The following ROBO2 variants were observed in gnomAD, a reference collection of about 807,000 sequenced individuals.
ROBO2 encodes roundabout guidance receptor 2.
A neutral mutation model predicts 160.8 loss-of-function variants in ROBO2; 53 were observed. That is an observed-to-expected ratio of 0.33 (90% confidence interval 0.26 to 0.41). The LOEUF (loss-of-function observed/expected upper bound fraction) is 0.41. ROBO2 is among the 10% of genes least tolerant of loss of function. ROBO2 has a pLI of 1.00. For missense variants in ROBO2, 1,577 were observed against 1,722.4 expected (o/e 0.92, Z 1.49); for synonymous variants, 664 against 611.7 (o/e 1.09, Z -1.26).
intron 2 of ROBO2, among the ~76,000 whole-genome samples, chr3:76,338,331 T>A (rs944593197): frequency 6.6e-6 from 1 of 152,150 alleles, no homozygotes; most frequent in Non-Finnish European, 1.5e-5. Flanking sequence ...AAGTTCCTTC[T>A]TTTACTTGCT....
intron 2 of ROBO2, among the ~76,000 whole-genome samples, chr3:76,622,235 GAAGAAAGAAAGAAAGA>G (rs66811756): frequency 0.031 from 1,374 of 44,580 alleles, 55 homozygotes; most frequent in African/African-American, 0.036. Context: ...AGGAAGGAAG[GAAGAAAGAAAGAAAGA>G]AAGAAAGAAA....
At chr3:77,456,972 C>T (rs115648123) in intron 2 of ROBO2, among the ~76,000 whole-genome samples, 67 of 152,256 alleles carry the variant, frequency 4.4e-4, no homozygotes, top group African/African-American at 1.3e-3. Context: ...CTCAAGGGTA[C>T]CAAAGGATTA....
At chr3:77,456,655 C>G (rs1201141834) in intron 2 of ROBO2, among the ~76,000 whole-genome samples, 2 of 152,212 alleles carry the variant, frequency 1.3e-5, no homozygotes, top group African/African-American at 4.8e-5. Flanking sequence ...GCCATATGTG[C>G]TGTTCTTCCT....
At chr3:77,416,789 G>T (rs1285356067) in intron 2 of ROBO2, among the ~76,000 whole-genome samples, 1 of 151,044 alleles carries the variant, frequency 6.6e-6, no homozygotes, top group Non-Finnish European at 1.5e-5. Context: ...AATAAATGTT[G>T]AAAGGAGGGA....
chr3:76,713,821 A>C (rs1560429241), intron 2 of ROBO2, among the ~76,000 whole-genome samples: 1 of 152,166 alleles, frequency 6.6e-6, no homozygotes, highest in Non-Finnish European at 1.5e-5. Context: ...TATGAAGTAC[A>C]GAGGAATTTC....
intron 22 of ROBO2, among the ~76,000 whole-genome samples, chr3:77,621,979 G>A (rs565539240): frequency 5.9e-5 from 9 of 151,986 alleles, no homozygotes; most frequent in South Asian, 2.1e-4. Context: ...TACTGGGCCC[G>A]TATTTTTTTT....
At chr3:76,348,156 G>C (rs915229832) in intron 2 of ROBO2, among the ~76,000 whole-genome samples, 1 of 151,472 alleles carries the variant, frequency 6.6e-6, no homozygotes, top group Non-Finnish European at 1.5e-5. Flanking sequence ...GTCAGTATCA[G>C]TCTTCAGCAT....
intron 2 of ROBO2, among the ~76,000 whole-genome samples, chr3:76,675,810 T>C (rs1180298631): frequency 6.6e-6 from 1 of 152,180 alleles, no homozygotes; most frequent in Non-Finnish European, 1.5e-5. Context: ...ATTCCAAATG[T>C]ACAAAAGTCA....
At chr3:76,610,012 G>C (rs959996840) in intron 2 of ROBO2, among the ~76,000 whole-genome samples, 1 of 152,084 alleles carries the variant, frequency 6.6e-6, no homozygotes, top group Non-Finnish European at 1.5e-5. Flanking sequence ...CACATTGATT[G>C]ATTTGTGTAT....
chr3:77,412,026 G>A (rs2076843557), intron 2 of ROBO2, among the ~76,000 whole-genome samples: 2 of 152,144 alleles, frequency 1.3e-5, no homozygotes, highest in African/African-American at 4.8e-5. Context: ...ATATTAATGT[G>A]TAGGTGACTC....
intron 2 of ROBO2, among the ~76,000 whole-genome samples, chr3:76,180,030 G>T (rs1701430029): frequency 6.6e-6 from 1 of 151,998 alleles, no homozygotes; most frequent in African/African-American, 2.4e-5. Flanking sequence ...CCGGCAGGGT[G>T]GAATTTTATA....
chr3:77,399,553 T>A (rs1238614016), intron 2 of ROBO2, among the ~76,000 whole-genome samples: 1 of 152,176 alleles, frequency 6.6e-6, no homozygotes, highest in African/African-American at 2.4e-5. Flanking sequence ...AAATTCTAAA[T>A]TCCTATGTTT....
chr3:76,122,949 G>A (rs1850279), intron 2 of ROBO2, among the ~76,000 whole-genome samples: 127,326 of 152,110 alleles, frequency 0.84, 54,278 homozygotes, highest in Non-Finnish European at 0.92. Flanking sequence ...GGGTTTCACC[G>A]TGTTAGCCAG....
chr3:76,738,246 A>T (rs376602686), intron 2 of ROBO2, among the ~76,000 whole-genome samples: 2 of 152,346 alleles, frequency 1.3e-5, no homozygotes, highest in East Asian at 1.9e-4. Context: ...GAAAAACAAG[A>T]TAGGTAAGGC....
chr3:77,643,638 A>G (rs2095378901), intron 24 of ROBO2, among the ~76,000 whole-genome samples: 1 of 152,188 alleles, frequency 6.6e-6, no homozygotes, highest in African/African-American at 2.4e-5. Flanking sequence ...ATCTCATGTC[A>G]GGATTCATTG....
intron 2 of ROBO2, among the ~76,000 whole-genome samples, chr3:76,798,241 A>G (rs1434459972): frequency 7.6e-5 from 10 of 131,492 alleles, no homozygotes; most frequent in South Asian, 2.5e-4. Flanking sequence ...AAGAAAGAAA[A>G]AAAGAAGAAA....
At chr3:77,459,409 T>C (rs1028095762) in intron 2 of ROBO2, among the ~76,000 whole-genome samples, 18 of 152,242 alleles carry the variant, frequency 1.2e-4, no homozygotes, top group African/African-American at 4.3e-4. Context: ...GTTATTCATC[T>C]GTTTATTCAA....
chr3:77,452,579 G>A (rs551436101), intron 2 of ROBO2, among the ~76,000 whole-genome samples: 5 of 151,906 alleles, frequency 3.3e-5, no homozygotes, highest in Non-Finnish European at 5.9e-5. Flanking sequence ...ATAATAATAC[G>A]TAATTTTGCG....
intron 2 of ROBO2, among the ~76,000 whole-genome samples, chr3:76,035,931 C>G (rs1310031054): frequency 1.3e-5 from 2 of 151,896 alleles, no homozygotes; most frequent in African/African-American, 4.9e-5. Context: ...AACGCAAGAC[C>G]CTCAAATCAT....
Sources: gnomAD v4.1 joint callset for allele counts (sites outside exome capture counted in the v4.1 genomes callset) on GRCh38, gnomAD v4.1.1 for gene constraint, MANE v1.5 for transcripts, NCBI Gene and HGNC (gene_info 2026-07-23, HGNC 2026-07-21) for gene names.